The following SLC12A3 variants were observed in gnomAD, a reference collection of about 807,000 sequenced individuals.
SLC12A3 encodes solute carrier family 12 member 3.
A neutral mutation model predicts 121.0 loss-of-function variants in SLC12A3; 104 were observed. The ratio of observed to expected loss-of-function variants is 0.86; its 90% CI spans 0.73 to 1.01. The LOEUF (loss-of-function observed/expected upper bound fraction) is 1.01, where lower values mean the gene tolerates loss of function less well. SLC12A3 is among the 50% of genes least tolerant of loss of function. The probability of loss-of-function intolerance (pLI) is 0.00; values close to 1 mark genes in which losing one functional copy is unlikely to be tolerated. For missense variants in SLC12A3, 1,328 were observed against 1,356.3 expected (o/e 0.98, Z 0.33); for synonymous variants, 536 against 533.4 (o/e 1.00, Z -0.07).
intron 24 of SLC12A3, among the ~76,000 whole-genome samples, chr16:56,903,176 G>T (rs1428261536): frequency 6.6e-6 from 1 of 151,940 alleles, no homozygotes; most frequent in African/African-American, 2.4e-5. Flanking sequence ...TTGTCCTGTG[G>T]GCCAACACGG....
intron 2 of SLC12A3, 142 bp from the exon 3 acceptor site, chr16:56,868,155 A>T: frequency 1.3e-6 from 1 of 759,666 alleles, no homozygotes; most frequent in South Asian, 1.5e-5. Flanking sequence ...CCAGACTCGG[A>T]ACCTACTGAA....
chr16:56,870,669 T>G lies in SLC12A3; in HGVS notation c.785T>G (p.Ile262Ser), dbSNP rs768851564. 3.7e-6 allele frequency: 6 copies of G among 1,613,892 alleles called. No individual in the cohort carries two copies. The Admixed American group carries it at 1.0e-4, about 27-fold the overall frequency. The part of the protein sequence containing the change: ...PIVDPINDIR[I>S]IAVVSVTVLL... ...GTGGACCCCATTAACGACATCCGCA[T>G]CATTGCCGTGGTCTCGGTCACTGTG... The change falls in exon 6 of 26, where the codon ATC becomes AGC. Residue 262 changes from isoleucine to serine, a missense_variant. Transcript: ENST00000563236.
In SLC12A3 at chr16:56,881,750, T is replaced by C. The variant is rs192250818; in HGVS notation, c.1568-646T>C. ...ACGGTCTTAGGTGTCCTGGGCCACA[T>C]TGCAAAATGTATTTCTGGCCAGGCA... On this transcript the variant is annotated intron_variant, in intron 12 of 25. Transcript: ENST00000563236. 1.6e-3 allele frequency among the ~76,000 whole-genome samples: 250 copies of C among 152,142 alleles called. 1 individual carries two copies. Among genetic ancestry groups the C allele is most frequent in the Non-Finnish European group, 2.9e-3 (194 of 67,980 alleles).
At chr16:56,876,562 G>A (rs1364089004) in intron 8 of SLC12A3, among the ~76,000 whole-genome samples, 1 of 152,198 alleles carries the variant, frequency 6.6e-6, no homozygotes, top group Non-Finnish European at 1.5e-5. Flanking sequence ...CTCCACGTCT[G>A]GGCCACAGAG....
rs960284369 is a variant in SLC12A3 at position 56,888,005 on chromosome 16, A to G, written c.2259A>G (p.Thr753=). The change falls in exon 18 of 26, where the codon ACA becomes ACG. Residue 753 remains threonine (T), a synonymous_variant. Coordinates refer to ENST00000563236, the MANE Select transcript of SLC12A3 (RefSeq NM_001126108.2). ...KKNWQSAHPA[T]VEDYIGILHD... is the part of the protein sequence containing the mutation. ...ACTGGCAGTCGGCTCACCCGGCCACAGTGGAAGACTACATTGGCATCCTCC... is the reference window on the plus strand; with the variant it reads ...ACTGGCAGTCGGCTCACCCGGCCACGGTGGAAGACTACATTGGCATCCTCC... The G allele has an allele frequency of 7.4e-6, 12 of 1,611,428 alleles. No individual in the cohort carries two copies. The highest frequency in any genetic ancestry group is 9.3e-6 in the Non-Finnish European group (11 of 1,178,316).
intron 13 of SLC12A3, among the ~76,000 whole-genome samples, chr16:56,882,757 A>G (rs558859179): frequency 1.3e-5 from 2 of 152,240 alleles, no homozygotes; most frequent in East Asian, 3.9e-4. Flanking sequence ...AGCCTGGCCA[A>G]CATGGTGAAA....
chr16:56,875,520 G>A (rs1340134760), intron 8 of SLC12A3, among the ~76,000 whole-genome samples: 4 of 152,094 alleles, frequency 2.6e-5, no homozygotes, highest in African/African-American at 9.7e-5. Flanking sequence ...CAGAGGAGCC[G>A]GAATGCCAGT....
At chr16:56,901,799 G>T (rs2055542693) in intron 23 of SLC12A3, among the ~76,000 whole-genome samples, 1 of 152,096 alleles carries the variant, frequency 6.6e-6, no homozygotes, top group Admixed American at 6.5e-5. Context: ...CACTCACCTT[G>T]CTCCAGCACA....
rs570651499 is a variant in SLC12A3, at chr16:56,886,988, C to T, written c.2073C>T (p.Leu691=). The T allele has an allele frequency of 1.2e-6, 2 of 1,613,854 alleles. No homozygotes were observed. The highest frequency in any genetic ancestry group is 8.5e-7 in the Non-Finnish European group (1 of 1,180,010). ...AGCAGAGGATGCCTGAGCTCCAGCT[C>T]ATCGCCAACGGGCACACCAAGTGGC... is the stretch of plus-strand genomic sequence containing the variant. ...PHKQRMPELQ[L]IANGHTKWLN... is the part of the protein sequence containing the mutation. Residue 691 remains leucine, a synonymous_variant, in exon 17 of 26, where the codon CTC becomes CTT. Coordinates refer to ENST00000563236, the MANE Select transcript of SLC12A3 (RefSeq NM_001126108.2).
At position 56,878,128 on chromosome 16, in the gene SLC12A3, A is replaced by G. The variant is rs200902423; in HGVS notation, c.1147A>G (p.Thr383Ala). 6.3e-7 allele frequency: 1 copy of G among 1,598,226 alleles called. No individual in the cohort carries two copies. The highest frequency in any genetic ancestry group is 8.5e-7 in the Non-Finnish European group (1 of 1,173,666). Residue 383 changes from threonine (T) to alanine (A), a missense_variant, in exon 9 of 26, where the codon ACC becomes GCC. Coordinates refer to ENST00000563236, the MANE Select transcript of SLC12A3 (RefSeq NM_001126108.2). ...KGTLMAIFWT[T>A]ISYLAISATI... Reference sequence around the variant, plus strand: ...GACCCTCATGGCCATTTTCTGGACGACCATTTCCTACCTGGCCATCTCAGC... The same window carrying G: ...GACCCTCATGGCCATTTTCTGGACGGCCATTTCCTACCTGGCCATCTCAGC...
At chr16:56,886,333 T>C in intron 15 of SLC12A3, 31 bp from the exon 16 acceptor site, 1 of 1,550,720 alleles carries the variant, frequency 6.4e-7, no homozygotes, top group Non-Finnish European at 8.9e-7. Context: ...TCTCTCCTGA[T>C]GGCTCCTGCC....
intron 2 of SLC12A3, 50 bp from the exon 3 acceptor site, chr16:56,868,247 T>C (rs1311009309): frequency 1.9e-6 from 3 of 1,576,504 alleles, no homozygotes; most frequent in South Asian, 2.3e-5. Context: ...ACTTGTCGTT[T>C]GGCCTTGGGG....
chr16:56,915,509 G>T lies in SLC12A3; in HGVS notation c.*2104G>T, dbSNP rs534529573. On this transcript the variant is annotated 3_prime_UTR_variant, in exon 26 of 26. Transcript: ENST00000563236. ...GGCACGGCCAAGCTGACTAGGAACA[G>T]CTCTCGTGCTCCTGAGGGACCTGGA... 1 of 152,238 alleles carries T rather than the reference G, an allele frequency of 6.6e-6. No homozygotes were observed. Among genetic ancestry groups the T allele is most frequent in the Non-Finnish European group, 1.5e-5 (1 of 68,046 alleles). The allele number at this position is 152,238 out of a possible 1,614,324, so 9.4% of individuals were successfully genotyped here.
chr16:56,866,972 C>G (rs1324759575), intron 1 of SLC12A3, 98 bp from the exon 2 acceptor site: 1 of 1,529,780 alleles, frequency 6.5e-7, no homozygotes, highest in African/African-American at 1.4e-5. Flanking sequence ...TCGGGGGGTG[C>G]TCGGTATGGG....
In SLC12A3 at chr16:56,868,347, C is replaced by G. The variant is rs1964410028; in HGVS notation, c.480C>G (p.Pro160=). 1 of 1,613,588 alleles carries G rather than the reference C, an allele frequency of 6.2e-7. No individual in the cohort carries two copies. Among genetic ancestry groups the G allele is most frequent in the Non-Finnish European group, 8.5e-7 (1 of 1,179,898 alleles). ...GCGTGATCCTCTACCTGCGGCTGCC[C>G]TGGATTACGGCCCAGGCAGGCATCG... The part of the protein sequence containing the change: ...IWGVILYLRL[P]WITAQAGIVL... The change falls in exon 3 of 26, where the codon CCC becomes CCG. Residue 160 remains proline, a synonymous_variant. Coordinates refer to ENST00000563236, the MANE Select transcript of SLC12A3 (RefSeq NM_001126108.2).
intron 24 of SLC12A3, 114 bp from the exon 25 acceptor site, chr16:56,904,281 G>T (rs746697134): frequency 3.0e-6 from 3 of 997,882 alleles, no homozygotes; most frequent in Non-Finnish European, 4.8e-6. Flanking sequence ...AGGCAGCAGA[G>T]TCTACAAGTA....
intron 19 of SLC12A3, among the ~76,000 whole-genome samples, 193 bp downstream of exon 19, chr16:56,890,549 G>A (rs1480386507): frequency 6.6e-6 from 1 of 152,194 alleles, no homozygotes; most frequent in Admixed American, 6.5e-5. Context: ...CCCAGGTGGG[G>A]CAGAGCCAGG....
In SLC12A3 at chr16:56,877,977, G is replaced by A. The variant is rs2055184807; in HGVS notation, c.1096-100G>A. 6.9e-6 allele frequency: 5 copies of A among 725,320 alleles called. No homozygotes were observed. The East Asian group carries it at 1.1e-4, about 16-fold the overall frequency. The allele number at this position is 725,320 out of a possible 1,614,324, so 44.9% of individuals were successfully genotyped here. A position where few individuals can be genotyped will look rare whatever the true frequency, so the allele number is the denominator to read the frequency against. ...CCCCAGCCTCAGCCTTAGACAAGGA[G>A]GACAGGCCTGGAAGGAGGCCCAGGG... is the stretch of plus-strand genomic sequence containing the variant. On this transcript the variant is annotated intron_variant, in intron 8 of 25. Transcript: ENST00000563236.
In SLC12A3 at chr16:56,870,241, G is replaced by T; in HGVS notation, c.741+6G>T. On this transcript the variant is annotated splice_donor_region_variant and intron_variant, in intron 5 of 25. Transcript: ENST00000563236. ...CCGTGCGGGACCTGCTCCAGGTGAG[G>T]CCGGGGGGCTGGACCCTGGGTAGAG... is the stretch of plus-strand genomic sequence containing the variant. The T allele has an allele frequency of 6.2e-7, 1 of 1,612,280 alleles. No individual in the cohort carries two copies.
Sources: gnomAD v4.1 joint callset for allele counts (sites outside exome capture counted in the v4.1 genomes callset) on GRCh38, gnomAD v4.1.1 for gene constraint, MANE v1.5 for transcripts, NCBI Gene and HGNC (gene_info 2026-07-23, HGNC 2026-07-21) for gene names.